KCTD20: variants seen among roughly 807,000 people sequenced by gnomAD.
The protein encoded by KCTD20 is BTB/POZ domain-containing protein KCTD20.
A neutral mutation model predicts 39.6 loss-of-function variants in KCTD20; 30 were observed. The observed-to-expected ratio is 0.76, with a 90% CI of 0.57 to 1.03. KCTD20 has a LOEUF of 1.03. Among genes scored for constraint, KCTD20 ranks in the 50% least tolerant of loss-of-function variants. The probability of loss-of-function intolerance (pLI) is 0.00; values close to 1 mark genes in which losing one functional copy is unlikely to be tolerated. For missense variants in KCTD20, 422 were observed against 522.0 expected (o/e 0.81, Z 1.87); for synonymous variants, 162 against 180.6 (o/e 0.90, Z 0.83).
intron 1 of KCTD20, among the ~76,000 whole-genome samples, chr6:36,448,015 GTATA>G (rs70975158): frequency 2.3e-5 from 3 of 128,954 alleles, no homozygotes; most frequent in African/African-American, 6.9e-5. Context: ...ATGTGTGTGT[GTATA>G]TATATATATA....
chr6:36,456,340 G>A (rs1775432841), intron 1 of KCTD20, among the ~76,000 whole-genome samples: 2 of 152,016 alleles, frequency 1.3e-5, no homozygotes, highest in Non-Finnish European at 1.5e-5. Flanking sequence ...GTGCAGTGGC[G>A]CAATCTTGGC....
At chr6:36,463,263 A>G (rs1775651193) in intron 1 of KCTD20, among the ~76,000 whole-genome samples, 1 of 152,166 alleles carries the variant, frequency 6.6e-6, no homozygotes, top group African/African-American at 2.4e-5. Flanking sequence ...CTCCATATTA[A>G]TAGCTACACA....
Position 36,489,706 on chromosome 6 carries a change from A to T in KCTD20, c.*2531A>T, listed in dbSNP as rs1255225431. ...GTAAGAGGCATTTGTAATTTTAAAA[A>T]TGTGAAACTTGGGTTTGGTGTTTTC... On this transcript the variant is annotated 3_prime_UTR_variant, in exon 8 of 8. Coordinates refer to ENST00000373731, the MANE Select transcript of KCTD20 (RefSeq NM_173562.5). 6.6e-6 allele frequency: 1 copy of T among 152,168 alleles called. No individual in the cohort carries two copies. The highest frequency in any genetic ancestry group is 2.4e-5 in the African/African-American group (1 of 41,448). The allele number at this position is 152,168 out of a possible 1,614,324, so 9.4% of individuals were successfully genotyped here. A position where few individuals can be genotyped will look rare whatever the true frequency, so the allele number is the denominator to read the frequency against.
intron 1 of KCTD20, among the ~76,000 whole-genome samples, chr6:36,458,671 CTG>C (rs1775513044): frequency 1.3e-5 from 2 of 151,798 alleles, no homozygotes; most frequent in East Asian, 4.0e-4. Flanking sequence ...GCGTGAGCCA[CTG>C]TGTCTGGATT....
At chr6:36,474,697 G>T in intron 2 of KCTD20, 92 bp from the exon 3 acceptor site, 3 of 1,225,100 alleles carry the variant, frequency 2.4e-6, no homozygotes, top group African/African-American at 1.5e-5. Flanking sequence ...GGGGTTTTTT[G>T]TTTGTTTACT....
chr6:36,450,377 A>G (rs1449102722), intron 1 of KCTD20, among the ~76,000 whole-genome samples: 1 of 150,576 alleles, frequency 6.6e-6, no homozygotes. Flanking sequence ...AATCCCAACT[A>G]CTCGGGAGGC....
At chr6:36,486,349 C>T (rs890888724) in intron 7 of KCTD20, among the ~76,000 whole-genome samples, 1 of 152,196 alleles carries the variant, frequency 6.6e-6, no homozygotes, top group South Asian at 2.1e-4. Context: ...AGATAACGGC[C>T]TCCCTCTCCT....
chr6:36,456,652 A>G (rs1775445135), intron 1 of KCTD20, among the ~76,000 whole-genome samples: 1 of 140,586 alleles, frequency 7.1e-6, no homozygotes, highest in African/African-American at 2.7e-5. Context: ...TAGTGGTGCT[A>G]TCACAGCTCA....
intron 1 of KCTD20, among the ~76,000 whole-genome samples, chr6:36,456,937 A>G (rs1775455611): frequency 6.6e-6 from 1 of 152,126 alleles, no homozygotes; most frequent in African/African-American, 2.4e-5. Flanking sequence ...AGCTGGGACT[A>G]CAGGCATATG....
Position 36,467,583 on chromosome 6 carries a change from G to A in KCTD20, c.-46-2469G>A, listed in dbSNP as rs373794825. On this transcript the variant is annotated intron_variant, in intron 1 of 7. Transcript: ENST00000373731. Reference sequence around the variant, plus strand: ...GATCTCCTGACCTCGTGATCCGCCCGCCCCAGCCTCCCAGAGTGCTGGGAT... The same window carrying A: ...GATCTCCTGACCTCGTGATCCGCCCACCCCAGCCTCCCAGAGTGCTGGGAT... 1.4e-3 allele frequency among the ~76,000 whole-genome samples: 208 copies of A among 151,432 alleles called. 1 individual carries two copies. The highest frequency in any genetic ancestry group is 5.9e-3 in the South Asian group (28 of 4,780).
chr6:36,481,746 G>A lies in KCTD20; in HGVS notation c.843G>A (p.Glu281=). The change falls in exon 6 of 8, where the codon GAG becomes GAA. Residue 281 remains glutamate, a synonymous_variant. Coordinates refer to ENST00000373731, the MANE Select transcript of KCTD20 (RefSeq NM_173562.5). The stretch of plus-strand genomic sequence containing the variant: ...AAGACCACCCTCCACCAATGGGGGA[G>A]GAATATTCCCAAAGTAGGAGCTTCT... The part of the protein sequence containing the change: ...WDEDHPPPMG[E]EYSQILYSSK... 2 of 1,614,138 alleles carry A rather than the reference G, an allele frequency of 1.2e-6. No individual in the cohort carries two copies. Among genetic ancestry groups the A allele is most frequent in the Non-Finnish European group, 1.7e-6 (2 of 1,179,990 alleles).
rs147860648 is a variant in KCTD20, at chr6:36,487,049, G to A, written c.1134G>A (p.Leu378=). The part of the protein sequence containing the change: ...QCVRSKSLTN[L]VAAGDDVLED... ...TTCGAAGCAAATCCCTCACGAATCT[G>A]GTAGCTGCTGGAGATGATGTCTTGG... Residue 378 remains leucine (L), a synonymous_variant, in exon 8 of 8, where the codon CTG becomes CTA. Transcript: ENST00000373731. 6.5e-4 allele frequency: 1,055 copies of A among 1,614,206 alleles called. 6 individuals are homozygous for A. In the African/African-American group the frequency reaches 0.012, roughly 18 times the overall value.
At chr6:36,482,921 G>A (rs1776297078) in intron 6 of KCTD20, among the ~76,000 whole-genome samples, 1 of 141,682 alleles carries the variant, frequency 7.1e-6, no homozygotes. Context: ...ACTTCAGCCT[G>A]AGTGACAGAG....
Position 36,490,121 on chromosome 6 carries a change from A to T in KCTD20, c.*2946A>T, listed in dbSNP as rs184010871. 6.6e-6 allele frequency: 1 copy of T among 152,380 alleles called. No homozygotes were observed. Among genetic ancestry groups the T allele is most frequent in the East Asian group, 1.9e-4 (1 of 5,180 alleles). The allele number at this position is 152,380 out of a possible 1,614,324, so 9.4% of individuals were successfully genotyped here. ...CCAGGAAGGTTAGATGTGTTTGCAA[A>T]TAAGTTGCCCAAAGGGTCCCCCTCT... On this transcript the variant is annotated 3_prime_UTR_variant, in exon 8 of 8. Coordinates refer to ENST00000373731, the MANE Select transcript of KCTD20 (RefSeq NM_173562.5).
At chr6:36,478,482 C>T (rs966136930) in intron 3 of KCTD20, among the ~76,000 whole-genome samples, 1 of 152,148 alleles carries the variant, frequency 6.6e-6, no homozygotes, top group East Asian at 1.9e-4. Flanking sequence ...AAGCCTAATA[C>T]CTACTACCCT....
chr6:36,470,302 C>A (rs1216859664), intron 2 of KCTD20, 45 bp downstream of exon 2: 2 of 1,529,346 alleles, frequency 1.3e-6, no homozygotes, highest in African/African-American at 1.4e-5. Context: ...CTTTCCAATA[C>A]TAGAGCATCT....
intron 1 of KCTD20, among the ~76,000 whole-genome samples, chr6:36,467,765 CAACTT>C (rs1348018272): frequency 2.6e-5 from 4 of 152,050 alleles, no homozygotes; most frequent in Admixed American, 6.6e-5. Flanking sequence ...TTGTTATAAA[CAACTT>C]AAATATTGAT....
intron 1 of KCTD20, among the ~76,000 whole-genome samples, chr6:36,461,738 A>G (rs1396424840): frequency 6.6e-6 from 1 of 152,206 alleles, no homozygotes; most frequent in Non-Finnish European, 1.5e-5. Context: ...TTATATTGAC[A>G]AAAACGTACT....
intron 1 of KCTD20, among the ~76,000 whole-genome samples, chr6:36,457,064 C>G (rs555005231): frequency 6.6e-6 from 1 of 152,202 alleles, no homozygotes; most frequent in African/African-American, 2.4e-5. Flanking sequence ...TCCCAAAGTG[C>G]TCGGATTACA....
Sources: gnomAD v4.1 joint callset for allele counts (sites outside exome capture counted in the v4.1 genomes callset) on GRCh38, gnomAD v4.1.1 for gene constraint, MANE v1.5 for transcripts, NCBI Gene and HGNC (gene_info 2026-07-23, HGNC 2026-07-21) for gene names.